PRDM5: variants seen among roughly 807,000 people sequenced by gnomAD.
PRDM5 encodes the protein PR/SET domain 5.
A neutral mutation model predicts 81.2 loss-of-function variants in PRDM5; 56 were observed. That is an observed-to-expected ratio of 0.69 (90% CI 0.56 to 0.86). PRDM5 has a LOEUF of 0.86. PRDM5 is among the 40% of genes least tolerant of loss of function. The probability of loss-of-function intolerance (pLI) is 0.00; values close to 1 mark genes in which losing one functional copy is unlikely to be tolerated. For missense variants in PRDM5, 697 were observed against 770.1 expected, an observed-to-expected ratio of 0.91 and a Z score of 1.12; for synonymous variants, 267 against 256.4, an observed-to-expected ratio of 1.04 and a Z score of -0.39.
intron 15 of PRDM5, among the ~76,000 whole-genome samples, chr4:120,697,934 G>A (rs114451800): frequency 0.015 from 2,139 of 143,332 alleles, 49 homozygotes; most frequent in African/African-American, 0.05. Flanking sequence ...ATAACTATCT[G>A]TATTAATAAG....
intron 13 of PRDM5, among the ~76,000 whole-genome samples, chr4:120,755,741 T>C (rs765688040): frequency 4.5e-4 from 69 of 152,156 alleles, no homozygotes; most frequent in Non-Finnish European, 8.4e-4. Flanking sequence ...GTCAGTTACA[T>C]TCCTGGATCT....
chr4:120,708,339 A>C (rs35576528), intron 15 of PRDM5, among the ~76,000 whole-genome samples: 33,166 of 152,072 alleles, frequency 0.22, 3,889 homozygotes, highest in Non-Finnish European at 0.28. Context: ...ATACATGAGA[A>C]AATGTGGATA....
At chr4:120,722,203 T>C (rs1738715940) in intron 14 of PRDM5, among the ~76,000 whole-genome samples, 1 of 152,168 alleles carries the variant, frequency 6.6e-6, no homozygotes, top group South Asian at 2.1e-4. Flanking sequence ...CCCCGAGTGT[T>C]CTTTCTGCTC....
At chr4:120,863,191 T>TATATATATACACACACAC in intron 2 of PRDM5, among the ~76,000 whole-genome samples, 1 of 70,322 alleles carries the variant, frequency 1.4e-5, no homozygotes, top group East Asian at 3.7e-4. Flanking sequence ...TATATATATA[T>TATATATATACACACACAC]ACACACACAC....
At chr4:120,789,809 T>C (rs1750313595) in intron 10 of PRDM5, among the ~76,000 whole-genome samples, 1 of 152,158 alleles carries the variant, frequency 6.6e-6, no homozygotes, top group Non-Finnish European at 1.5e-5. Context: ...TTAAGCTCAG[T>C]AGAGAAATGG....
intron 7 of PRDM5, among the ~76,000 whole-genome samples, chr4:120,815,361 C>T (rs1754348725): frequency 6.6e-6 from 1 of 152,198 alleles, no homozygotes. Context: ...CTGTAAAAGC[C>T]TAGTGAAGGG....
At chr4:120,799,587 T>C in intron 9 of PRDM5, 74 bp downstream of exon 9, 2 of 1,563,990 alleles carry the variant, frequency 1.3e-6, no homozygotes, top group Non-Finnish European at 1.7e-6. Context: ...TTACCACTCT[T>C]AGAGTTTATA....
chr4:120,710,435 C>A, intron 14 of PRDM5, 22 bp from the exon 15 acceptor site: 1 of 1,601,362 alleles, frequency 6.2e-7, no homozygotes. Flanking sequence ...AAAAAGAGAC[C>A]ACCAAAATTG....
chr4:120,718,059 A>G (rs1372900284), intron 14 of PRDM5, among the ~76,000 whole-genome samples: 2 of 152,202 alleles, frequency 1.3e-5, no homozygotes, highest in Non-Finnish European at 2.9e-5. Context: ...GAACATATAT[A>G]ATCATGAGTT....
chr4:120,757,701 TCTC>T (rs778765737), intron 13 of PRDM5, among the ~76,000 whole-genome samples: 16 of 151,940 alleles, frequency 1.1e-4, no homozygotes, highest in South Asian at 2.1e-4. Context: ...CCTCTCTTTC[TCTC>T]CTCCTCCTCC....
intron 3 of PRDM5, among the ~76,000 whole-genome samples, chr4:120,826,869 T>C (rs1318147233): frequency 6.6e-6 from 1 of 152,138 alleles, no homozygotes; most frequent in Non-Finnish European, 1.5e-5. Flanking sequence ...GGTAATGAAG[T>C]TTTCCCTGAA....
chr4:120,917,456 T>G (rs1222531294), intron 1 of PRDM5, among the ~76,000 whole-genome samples: 1 of 152,092 alleles, frequency 6.6e-6, no homozygotes, highest in Non-Finnish European at 1.5e-5. Context: ...ATATTTAACA[T>G]AGTATAAAAT....
At chr4:120,775,029 T>C (rs1045618681) in intron 13 of PRDM5, among the ~76,000 whole-genome samples, 3 of 150,852 alleles carry the variant, frequency 2.0e-5, no homozygotes, top group African/African-American at 7.3e-5. Context: ...TATAATTTCT[T>C]TATCTATCAA....
intron 14 of PRDM5, among the ~76,000 whole-genome samples, chr4:120,732,569 T>C (rs1020615938): frequency 3.3e-5 from 5 of 151,240 alleles, no homozygotes; most frequent in Non-Finnish European, 5.9e-5. Flanking sequence ...CTGAGGTTGT[T>C]ACCTCAGGAC....
At chr4:120,850,343 A>T (rs967017814) in intron 3 of PRDM5, among the ~76,000 whole-genome samples, 1 of 152,150 alleles carries the variant, frequency 6.6e-6, no homozygotes, top group African/African-American at 2.4e-5. Context: ...CTGGAATGCA[A>T]TCTTTAGGAG....
intron 13 of PRDM5, 77 bp downstream of exon 13, chr4:120,777,111 A>G: frequency 6.2e-7 from 1 of 1,609,476 alleles, no homozygotes; most frequent in South Asian, 1.1e-5. Context: ...TATTTGTATT[A>G]TTACAATATT....
rs533520129 is a variant in PRDM5 at position 120,755,083 on chromosome 4, CAGTT to C, written c.1538-449_1538-446del. Among the ~76,000 whole-genome samples, 177 of 152,216 alleles carry C rather than the reference CAGTT, an allele frequency of 1.2e-3. 2 individuals are homozygous for C. Among genetic ancestry groups the C allele is most frequent in the Middle Eastern group, 0.01 (3 of 294 alleles). On this transcript the variant is annotated intron_variant, in intron 13 of 15. Transcript: ENST00000264808. The stretch of plus-strand genomic sequence containing the variant: ...TTGTTTCATATAAATGAATTTGACT[CAGTT>C]AAGGCTGTGAGTTTCAAAAGAATTT...
At chr4:120,775,147 A>G (rs1747962092) in intron 13 of PRDM5, among the ~76,000 whole-genome samples, 1 of 151,472 alleles carries the variant, frequency 6.6e-6, no homozygotes, top group Admixed American at 6.6e-5. Flanking sequence ...CTGTACAACA[A>G]TTTGGCCCAG....
chr4:120,912,846 T>C (rs777036210), intron 1 of PRDM5, among the ~76,000 whole-genome samples: 12 of 152,360 alleles, frequency 7.9e-5, no homozygotes, highest in Admixed American at 2.6e-4. Flanking sequence ...GAGTCATTTA[T>C]ATTTGAAATA....
Sources: allele counts gnomAD v4.1 joint callset (sites outside exome capture counted in the v4.1 genomes callset), GRCh38; gene constraint gnomAD v4.1.1; transcripts MANE v1.5; gene names NCBI Gene and HGNC (gene_info 2026-07-23, HGNC 2026-07-21).